GRIA2: variants seen among roughly 807,000 people sequenced by gnomAD.
GRIA2 encodes the protein glutamate receptor 2.
GRIA2 carries 14 observed loss-of-function variants against 97.3 expected under a neutral mutation model. The ratio of observed to expected loss-of-function variants is 0.14; its 90% confidence interval spans 0.10 to 0.23. The LOEUF (loss-of-function observed/expected upper bound fraction) is 0.23. Among genes scored for constraint, GRIA2 ranks in the 10% least tolerant of loss-of-function variants. The pLI, the probability that GRIA2 is intolerant of heterozygous loss-of-function variation, is 1.00. For missense variants in GRIA2, 558 were observed against 1,069.8 expected (o/e 0.52, Z 6.67); for synonymous variants, 412 against 387.8 (o/e 1.06, Z -0.73).
At chr4:157,253,932 C>T (rs1731125894) in intron 2 of GRIA2, among the ~76,000 whole-genome samples, 1 of 151,518 alleles carries the variant, frequency 6.6e-6, no homozygotes, top group Non-Finnish European at 1.5e-5. Flanking sequence ...TTGTCAAATA[C>T]AGGTAACATA....
intron 12 of GRIA2, among the ~76,000 whole-genome samples, chr4:157,347,457 G>A (rs1735811483): frequency 6.6e-6 from 1 of 152,108 alleles, no homozygotes; most frequent in Admixed American, 6.5e-5. Context: ...CATACCAATA[G>A]CAGATCATGA....
chr4:157,336,210 T>C (rs1276239232), intron 10 of GRIA2, among the ~76,000 whole-genome samples, 167 bp from the exon 11 acceptor site: 1 of 152,052 alleles, frequency 6.6e-6, no homozygotes, highest in Non-Finnish European at 1.5e-5. Context: ...GGAGGGGCAT[T>C]CGGGGAATAA....
chr4:157,362,277 A>AG (rs1260549943), intron 14 of GRIA2: 1 of 403,342 alleles, frequency 2.5e-6, no homozygotes, highest in Non-Finnish European at 5.0e-6. Flanking sequence ...AACTTCCTGA[A>AG]GGTTTATCTT....
intron 2 of GRIA2, chr4:157,249,752 C>T (rs1730941758): frequency 6.6e-6 from 1 of 152,142 alleles, no homozygotes; most frequent in African/African-American, 2.4e-5. Context: ...ATTGTAGACG[C>T]TAAGGATGTA....
chr4:157,347,989 C>A (rs972083838), intron 12 of GRIA2, among the ~76,000 whole-genome samples: 1 of 151,702 alleles, frequency 6.6e-6, no homozygotes, highest in African/African-American at 2.4e-5. Flanking sequence ...CTGAGCGTGA[C>A]GGCACGTGCC....
chr4:157,267,505 A>G (rs1731826495), intron 2 of GRIA2, among the ~76,000 whole-genome samples: 1 of 151,988 alleles, frequency 6.6e-6, no homozygotes, highest in Non-Finnish European at 1.5e-5. Context: ...TTTTGTTATT[A>G]AAGACCTATC....
intron 5 of GRIA2, among the ~76,000 whole-genome samples, chr4:157,320,315 CAT>C (rs1442523009): frequency 1.7e-4 from 26 of 151,852 alleles, no homozygotes; most frequent in Non-Finnish European, 3.4e-4. Flanking sequence ...ATTACATACT[CAT>C]GTGGGATACA....
At chr4:157,327,470 T>C (rs1177594159) in intron 6 of GRIA2, among the ~76,000 whole-genome samples, 1 of 152,146 alleles carries the variant, frequency 6.6e-6, no homozygotes, top group African/African-American at 2.4e-5. Flanking sequence ...ATGGGAATAT[T>C]AAAACAGTCA....
intron 2 of GRIA2, among the ~76,000 whole-genome samples, chr4:157,241,106 A>G (rs183594229): frequency 6.6e-6 from 1 of 152,210 alleles, no homozygotes; most frequent in East Asian, 1.9e-4. Context: ...ATCCAGTTCT[A>G]AGAACGGGTA....
rs1334601701 is a variant in GRIA2, at chr4:157,336,403, A to G, written c.1500A>G (p.Leu500=). ...YGKADIAIAP[L]TITLVREEVI... is the part of the protein sequence containing the mutation. ...AAGCTGATATTGCAATTGCTCCATT[A>G]ACTATTACCCTTGTGAGAGAAGAGG... The change falls in exon 11 of 16, where the codon TTA becomes TTG. Residue 500 remains leucine (L), a synonymous_variant. Transcript: ENST00000264426. 2 of 1,570,340 alleles carry G rather than the reference A, an allele frequency of 1.3e-6. No homozygotes were observed. The highest frequency in any genetic ancestry group is 1.7e-6 in the Non-Finnish European group (2 of 1,159,580).
chr4:157,313,441 G>A (rs1429216948), intron 4 of GRIA2, among the ~76,000 whole-genome samples: 1 of 152,116 alleles, frequency 6.6e-6, no homozygotes, highest in African/African-American at 2.4e-5. Context: ...TATTTGAGAA[G>A]TAAACTAGAT....
At chr4:157,276,668 T>C (rs1579325008) in intron 2 of GRIA2, among the ~76,000 whole-genome samples, 1 of 151,424 alleles carries the variant, frequency 6.6e-6, no homozygotes, top group African/African-American at 2.4e-5. Flanking sequence ...AAAAGATAGA[T>C]GATACAAAAT....
chr4:157,292,659 GT>G (rs1733157457), intron 2 of GRIA2, among the ~76,000 whole-genome samples: 3 of 152,050 alleles, frequency 2.0e-5, no homozygotes, highest in Non-Finnish European at 2.9e-5. Flanking sequence ...GTAAAAAGAA[GT>G]GTACAAAATC....
intron 11 of GRIA2, among the ~76,000 whole-genome samples, chr4:157,339,500 A>G (rs1023522777): frequency 4.6e-5 from 7 of 151,962 alleles, no homozygotes; most frequent in Non-Finnish European, 8.8e-5. Context: ...TCACCTTTGA[A>G]TTATTTATAA....
intron 2 of GRIA2, among the ~76,000 whole-genome samples, chr4:157,248,974 C>T (rs1188905780): frequency 6.6e-6 from 1 of 151,566 alleles, no homozygotes; most frequent in Non-Finnish European, 1.5e-5. Flanking sequence ...AGTAGCTGGG[C>T]CTATAGGCGT....
intron 2 of GRIA2, among the ~76,000 whole-genome samples, chr4:157,298,740 TC>T (rs1733476388): frequency 6.7e-6 from 1 of 149,628 alleles, no homozygotes; most frequent in South Asian, 2.2e-4. Flanking sequence ...TTTTCCTGAA[TC>T]AGCTCACAAT....
chr4:157,364,161 G>T lies in GRIA2; in HGVS notation c.*730G>T, dbSNP rs1292016527. Reference sequence around the variant, plus strand: ...TGCTAAGGAAAGTAAACAAAGAGGAGATTCCAATCTTGTAATTTAATATTG... The same window carrying T: ...TGCTAAGGAAAGTAAACAAAGAGGATATTCCAATCTTGTAATTTAATATTG... On this transcript the variant is annotated 3_prime_UTR_variant, in exon 16 of 16. Coordinates refer to ENST00000264426, the MANE Select transcript of GRIA2 (RefSeq NM_001083619.3). The T allele has an allele frequency of 3.3e-5, 5 of 152,398 alleles. No individual in the cohort carries two copies. Among genetic ancestry groups the T allele is most frequent in the African/African-American group, 1.2e-4 (5 of 41,406 alleles). 9.4% of individuals were successfully genotyped at this position (152,398 alleles called of 1,614,324 possible).
intron 12 of GRIA2, among the ~76,000 whole-genome samples, chr4:157,353,076 G>C (rs1324796627): frequency 6.6e-6 from 1 of 151,962 alleles, no homozygotes; most frequent in African/African-American, 2.4e-5. Context: ...AAACAGGCCA[G>C]GCGTGCTAGC....
At position 157,290,676 on chromosome 4, in the gene GRIA2, T is replaced by C. The variant is rs1033327695; in HGVS notation, c.230-12876T>C. On this transcript the variant is annotated intron_variant, in intron 2 of 15. Transcript: ENST00000264426. ...ATCCATTGTCATCCTTATTGAAGTA[T>C]GACATATGCCTTAACTTTGTTCTTA... Among the ~76,000 whole-genome samples, 4 of 151,922 alleles carry C rather than the reference T, an allele frequency of 2.6e-5. No homozygotes were observed. The Admixed American group carries it at 2.6e-4, about 10-fold the overall frequency.
Sources: gnomAD v4.1 joint callset for allele counts (sites outside exome capture counted in the v4.1 genomes callset) on GRCh38, gnomAD v4.1.1 for gene constraint, MANE v1.5 for transcripts, NCBI Gene and HGNC (gene_info 2026-07-23, HGNC 2026-07-21) for gene names.